Variants in KIF26B observed in about 807,000 individuals in gnomAD.
KIF26B encodes the protein kinesin-like protein KIF26B.
A neutral mutation model predicts 151.2 loss-of-function variants in KIF26B; 63 were observed. The ratio of observed to expected loss-of-function variants is 0.42; its 90% CI spans 0.34 to 0.51. KIF26B has a LOEUF of 0.51. Ranked by LOEUF, KIF26B falls within the 20% of genes least tolerant of loss-of-function variation. KIF26B has a pLI of 0.07. For missense variants in KIF26B, 2,813 were observed against 2,913.6 expected (o/e 0.97, Z 0.79); for synonymous variants, 1,357 against 1,262.1 (o/e 1.08, Z -1.59).
chr1:245,561,937 C>G lies in KIF26B; in HGVS notation c.1350+20987C>G, dbSNP rs542778622. On this transcript the variant is annotated intron_variant, in intron 5 of 14. Coordinates refer to ENST00000407071, the MANE Select transcript of KIF26B (RefSeq NM_018012.4). ...TCAGTCTCCATCCCAAGGCTCTTTACAGCTTTCTGTGGCCTGATTTTCTTG... is the reference window on the plus strand; with the variant it reads ...TCAGTCTCCATCCCAAGGCTCTTTAGAGCTTTCTGTGGCCTGATTTTCTTG... 4.1e-4 allele frequency among the ~76,000 whole-genome samples: 63 copies of G among 152,306 alleles called. 1 individual carries two copies. The South Asian group carries it at 0.013, about 31-fold the overall frequency.
At chr1:245,155,995 C>T (rs926783770) in intron 1 of KIF26B, among the ~76,000 whole-genome samples, 2 of 152,116 alleles carry the variant, frequency 1.3e-5, no homozygotes, top group African/African-American at 2.4e-5. Context: ...CCTATGGATC[C>T]CCCCCGCCTT....
At chr1:245,205,809 G>A (rs1301729820) in intron 2 of KIF26B, among the ~76,000 whole-genome samples, 1 of 150,824 alleles carries the variant, frequency 6.6e-6, no homozygotes, top group Non-Finnish European at 1.5e-5. Flanking sequence ...CTGGGCTCAA[G>A]TGACCCTCCT....
intron 2 of KIF26B, among the ~76,000 whole-genome samples, chr1:245,360,026 C>T (rs1359201083): frequency 6.6e-6 from 1 of 151,928 alleles, no homozygotes; most frequent in Non-Finnish European, 1.5e-5. Flanking sequence ...GCACCTACCA[C>T]CATGCCCGGC....
At chr1:245,305,716 A>C (rs1378839415) in intron 2 of KIF26B, among the ~76,000 whole-genome samples, 1 of 152,112 alleles carries the variant, frequency 6.6e-6, no homozygotes, top group African/African-American at 2.4e-5. Flanking sequence ...AGGCAGGTGG[A>C]TCACGAGGTC....
At chr1:245,260,239 A>G (rs552897068) in intron 2 of KIF26B, among the ~76,000 whole-genome samples, 77 of 152,306 alleles carry the variant, frequency 5.1e-4, no homozygotes, top group African/African-American at 1.8e-3. Flanking sequence ...CTGCAGAATC[A>G]GGAAACAGTG....
At chr1:245,269,865 T>G (rs2102962653) in intron 2 of KIF26B, among the ~76,000 whole-genome samples, 1 of 152,306 alleles carries the variant, frequency 6.6e-6, no homozygotes, top group South Asian at 2.1e-4. Flanking sequence ...GTTCAGGTTG[T>G]TCCCACTGTT....
At chr1:245,591,738 A>G (rs1212040936) in intron 5 of KIF26B, among the ~76,000 whole-genome samples, 1 of 152,180 alleles carries the variant, frequency 6.6e-6, no homozygotes, top group Non-Finnish European at 1.5e-5. Flanking sequence ...CAGTTCCCTA[A>G]TACAACAAGC....
At chr1:245,448,298 C>T (rs1185509513) in intron 4 of KIF26B, among the ~76,000 whole-genome samples, 1 of 152,200 alleles carries the variant, frequency 6.6e-6, no homozygotes, top group Non-Finnish European at 1.5e-5. Flanking sequence ...ACCTCCGCCA[C>T]TCAGGTGCAA....
intron 10 of KIF26B, among the ~76,000 whole-genome samples, chr1:245,655,335 CTT>C (rs960435441): frequency 2.0e-4 from 31 of 152,246 alleles, no homozygotes; most frequent in Non-Finnish European, 3.7e-4. Context: ...GTTTTATCAT[CTT>C]TCAGAATCGT....
intron 4 of KIF26B, among the ~76,000 whole-genome samples, chr1:245,532,834 G>T (rs1479710277): frequency 6.6e-6 from 1 of 152,080 alleles, no homozygotes; most frequent in Non-Finnish European, 1.5e-5. Flanking sequence ...CTCCCTGACA[G>T]CCAATTAGAA....
chr1:245,192,563 A>C (rs1280540673), intron 2 of KIF26B, among the ~76,000 whole-genome samples: 2 of 152,220 alleles, frequency 1.3e-5, no homozygotes, highest in African/African-American at 4.8e-5. Context: ...TAGTTTTCAA[A>C]CTCTGTCTCC....
At position 245,572,132 on chromosome 1, in the gene KIF26B, C is replaced by T. The variant is rs1234281712; in HGVS notation, c.1351-30445C>T. On this transcript the variant is annotated intron_variant, in intron 5 of 14. Transcript: ENST00000407071. This position sits in a 1 kb window ranked among gnomAD's most constrained non-coding sequence, Gnocchi z 4.2. ...TTTGCAAAGGCTACAAGACCAAGGG[C>T]TTGTGTACCTGCCCCAACAGAGACA... is the stretch of plus-strand genomic sequence containing the variant. Among the ~76,000 whole-genome samples, 1 of 152,174 alleles carries T rather than the reference C, an allele frequency of 6.6e-6. No homozygotes were observed. The highest frequency in any genetic ancestry group is 2.1e-4 in the South Asian group (1 of 4,826).
At chr1:245,690,989 G>C (rs1384155511) in intron 12 of KIF26B, among the ~76,000 whole-genome samples, 1 of 152,208 alleles carries the variant, frequency 6.6e-6, no homozygotes, top group Non-Finnish European at 1.5e-5. Context: ...ATGAACTCTT[G>C]TTATTCTAAT....
chr1:245,547,497 G>T (rs139506442), intron 5 of KIF26B, among the ~76,000 whole-genome samples: 2,329 of 148,486 alleles, frequency 0.016, 80 homozygotes, highest in African/African-American at 0.054. Context: ...GAGGCAGGAG[G>T]ATCACTTGAA....
intron 2 of KIF26B, among the ~76,000 whole-genome samples, chr1:245,351,641 A>C (rs1672571308): frequency 6.6e-6 from 1 of 152,224 alleles, no homozygotes; most frequent in South Asian, 2.1e-4. Context: ...TGAGGAAACC[A>C]AGGCTCAAGA....
At chr1:245,541,335 C>A (rs539871437) in intron 5 of KIF26B, among the ~76,000 whole-genome samples, 1 of 152,194 alleles carries the variant, frequency 6.6e-6, no homozygotes, top group Admixed American at 6.5e-5. Context: ...GTGACACTTT[C>A]GAGTTTTTGC....
chr1:245,638,639 C>T (rs1029859671), intron 9 of KIF26B, among the ~76,000 whole-genome samples: 3 of 151,768 alleles, frequency 2.0e-5, no homozygotes, highest in African/African-American at 7.2e-5. Flanking sequence ...ATATATGACA[C>T]TTATCTTGTT....
intron 3 of KIF26B, among the ~76,000 whole-genome samples, chr1:245,399,840 A>G (rs1186072191): frequency 6.6e-6 from 1 of 152,240 alleles, no homozygotes; most frequent in Non-Finnish European, 1.5e-5. Flanking sequence ...GCAGGCTATC[A>G]TACAGACTTA....
At chr1:245,690,747 G>C (rs201403620) in intron 12 of KIF26B, among the ~76,000 whole-genome samples, 1 of 151,724 alleles carries the variant, frequency 6.6e-6, no homozygotes, top group African/African-American at 2.4e-5. Flanking sequence ...GCCTGGGGGG[G>C]GGGTATGCTT....
Sources: gnomAD v4.1 joint callset for allele counts (sites outside exome capture counted in the v4.1 genomes callset) on GRCh38, gnomAD v4.1.1 for gene constraint, Gnocchi (gnomAD v3.1) non-coding constraint, MANE v1.5 for transcripts, NCBI Gene and HGNC (gene_info 2026-07-23, HGNC 2026-07-21) for gene names.